The following CHSY1 variants were observed in gnomAD, a reference collection of about 807,000 sequenced individuals.
CHSY1 encodes the protein chondroitin sulfate synthase 1, also known as N-acetylgalactosaminyl-proteoglycan 3-beta-glucuronosyltransferase 1.
CHSY1 carries 13 observed loss-of-function variants against 59.8 expected under a neutral mutation model. The ratio of observed to expected loss-of-function variants is 0.22; its 90% confidence interval spans 0.14 to 0.35. CHSY1 has a LOEUF of 0.35. Ranked by LOEUF, CHSY1 falls within the 10% of genes least tolerant of loss-of-function variation. The pLI is 1.00. For missense variants in CHSY1, 947 were observed against 1,030.6 expected (o/e 0.92, Z 1.11); for synonymous variants, 459 against 401.2 (o/e 1.14, Z -1.72).
intron 2 of CHSY1, among the ~76,000 whole-genome samples, chr15:101,225,019 G>A (rs116104461): frequency 0.02 from 2,996 of 152,288 alleles, 97 homozygotes; most frequent in African/African-American, 0.067. Context: ...CCCAGGCAAC[G>A]AGAGTGCCTC....
intron 2 of CHSY1, among the ~76,000 whole-genome samples, chr15:101,194,360 A>G (rs1195688505): frequency 6.6e-6 from 1 of 152,242 alleles, no homozygotes; most frequent in Non-Finnish European, 1.5e-5. Context: ...GTGTACGCAC[A>G]CATTTTACAT....
At chr15:101,251,001 G>T in intron 1 of CHSY1, 136 bp downstream of exon 1, 2 of 825,074 alleles carry the variant, frequency 2.4e-6, no homozygotes, top group Non-Finnish European at 1.9e-6. Flanking sequence ...GGCGTCTCCC[G>T]AGAGGCAACC....
chr15:101,185,938 C>T (rs924293013), intron 2 of CHSY1, among the ~76,000 whole-genome samples: 11 of 151,760 alleles, frequency 7.2e-5, no homozygotes, highest in Non-Finnish European at 1.2e-4. Flanking sequence ...TTATGGGCTA[C>T]GTCACTGCTC....
rs2038179451 is a variant in CHSY1 at position 101,175,763 on chromosome 15, A to G, written c.*1625T>C. On this transcript the variant is annotated 3_prime_UTR_variant, in exon 3 of 3. Transcript: ENST00000254190. ...TTTTTTACTCTCCAAATGTAATACA[A>G]TTCTTCAGCTAAAACAGGAATAATG... is the stretch of plus-strand genomic sequence containing the variant. 6.6e-6 allele frequency: 1 copy of G among 152,224 alleles called. No individual in the cohort carries two copies. Among genetic ancestry groups the G allele is most frequent in the Non-Finnish European group, 1.5e-5 (1 of 68,172 alleles). The allele number at this position is 152,224 out of a possible 1,614,324, so 9.4% of individuals were successfully genotyped here.
intron 2 of CHSY1, among the ~76,000 whole-genome samples, chr15:101,228,267 G>A (rs577008107): frequency 1.3e-5 from 2 of 151,870 alleles, no homozygotes; most frequent in African/African-American, 2.4e-5. Flanking sequence ...ACAGCATGAC[G>A]GGCATTCCAA....
chr15:101,234,612 T>C (rs1340467150), intron 2 of CHSY1, among the ~76,000 whole-genome samples: 1 of 152,226 alleles, frequency 6.6e-6, no homozygotes, highest in East Asian at 1.9e-4. Context: ...CTCACGCCTG[T>C]AATCCCAGCA....
intron 1 of CHSY1, among the ~76,000 whole-genome samples, chr15:101,250,221 T>C (rs2039092653): frequency 6.6e-6 from 1 of 152,244 alleles, no homozygotes; most frequent in East Asian, 1.9e-4. Context: ...GCTCTGTGGC[T>C]GGATAAGACC....
At chr15:101,228,068 C>T (rs77769672) in intron 2 of CHSY1, among the ~76,000 whole-genome samples, 2 of 151,486 alleles carry the variant, frequency 1.3e-5, no homozygotes, top group East Asian at 1.9e-4. Flanking sequence ...GCCAATACGG[C>T]GACAGAAATT....
intron 2 of CHSY1, among the ~76,000 whole-genome samples, chr15:101,226,758 C>T (rs909006014): frequency 1.3e-5 from 2 of 152,146 alleles, no homozygotes; most frequent in South Asian, 4.1e-4. Context: ...TACAGATGTC[C>T]AAAATTTATT....
At chr15:101,195,351 A>C (rs1013742239) in intron 2 of CHSY1, among the ~76,000 whole-genome samples, 5 of 152,256 alleles carry the variant, frequency 3.3e-5, no homozygotes, top group Non-Finnish European at 7.3e-5. Context: ...TTAACTGCTA[A>C]ATAAAACCAA....
At chr15:101,241,549 T>C (rs992605597) in intron 1 of CHSY1, among the ~76,000 whole-genome samples, 2 of 152,198 alleles carry the variant, frequency 1.3e-5, no homozygotes, top group Non-Finnish European at 2.9e-5. Flanking sequence ...GTAATAAAAT[T>C]TTTTTATCCA....
At chr15:101,200,555 T>A (rs1350648113) in intron 2 of CHSY1, among the ~76,000 whole-genome samples, 2 of 152,156 alleles carry the variant, frequency 1.3e-5, no homozygotes, top group Non-Finnish European at 2.9e-5. Flanking sequence ...TTAAGTACCA[T>A]GAAAGATGCA....
At chr15:101,214,466 AAAT>A (rs1314920807) in intron 2 of CHSY1, among the ~76,000 whole-genome samples, 1 of 152,224 alleles carries the variant, frequency 6.6e-6, no homozygotes, top group African/African-American at 2.4e-5. Context: ...TGCCATCTTA[AAAT>A]AATAACTGAA....
intron 2 of CHSY1, among the ~76,000 whole-genome samples, chr15:101,206,552 G>A (rs1362607577): frequency 6.6e-6 from 1 of 151,972 alleles, no homozygotes; most frequent in Non-Finnish European, 1.5e-5. Context: ...TTTTATGTGG[G>A]CTCACTTTAT....
chr15:101,215,698 G>A (rs2038725658), intron 2 of CHSY1, among the ~76,000 whole-genome samples: 1 of 152,248 alleles, frequency 6.6e-6, no homozygotes. Context: ...CTGCACCGCT[G>A]CACTCCAGCC....
At chr15:101,213,822 C>T (rs1244130131) in intron 2 of CHSY1, among the ~76,000 whole-genome samples, 1 of 152,200 alleles carries the variant, frequency 6.6e-6, no homozygotes, top group African/African-American at 2.4e-5. Flanking sequence ...TACATAGTTC[C>T]TACTGTGTGT....
At chr15:101,222,705 T>C (rs940444383) in intron 2 of CHSY1, among the ~76,000 whole-genome samples, 2 of 152,210 alleles carry the variant, frequency 1.3e-5, no homozygotes, top group African/African-American at 4.8e-5. Context: ...TGGTTTTGTC[T>C]GAAGTTTTCT....
At chr15:101,244,054 G>A (rs549827346) in intron 1 of CHSY1, among the ~76,000 whole-genome samples, 3 of 152,304 alleles carry the variant, frequency 2.0e-5, no homozygotes, top group East Asian at 1.9e-4. Context: ...TAATCATCCA[G>A]AAAATGTATT....
chr15:101,190,663 A>G (rs377458877), intron 2 of CHSY1, among the ~76,000 whole-genome samples: 2 of 152,288 alleles, frequency 1.3e-5, no homozygotes, highest in Non-Finnish European at 2.9e-5. Flanking sequence ...TGCCAAGAGA[A>G]TAAGACAAGT....
Sources: allele counts gnomAD v4.1 joint callset (sites outside exome capture counted in the v4.1 genomes callset), GRCh38; gene constraint gnomAD v4.1.1; transcripts MANE v1.5; gene names NCBI Gene and HGNC (gene_info 2026-07-23, HGNC 2026-07-21).